The following SLCO3A1 variants were observed in gnomAD, a reference collection of about 807,000 sequenced individuals.
SLCO3A1 encodes the protein PGE1 transporter.
SLCO3A1 carries 27 observed loss-of-function variants against 63.1 expected under a neutral mutation model. The ratio of observed to expected loss-of-function variants is 0.43; its 90% confidence interval spans 0.32 to 0.59. SLCO3A1 has a LOEUF of 0.59. SLCO3A1 is among the 20% of genes least tolerant of loss of function. The pLI is 0.09. For synonymous variants in SLCO3A1, 473 were observed against 409.9 expected, an observed-to-expected ratio of 1.15 and a Z score of -1.86; for missense variants, 773 against 945.8, an observed-to-expected ratio of 0.82 and a Z score of 2.40.
chr15:91,984,605 C>CAT (rs139649691), intron 2 of SLCO3A1, among the ~76,000 whole-genome samples: 4,429 of 152,060 alleles, frequency 0.029, 202 homozygotes, highest in African/African-American at 0.1. Flanking sequence ...AATAATCAAA[C>CAT]GTACATAAAA....
chr15:92,131,572 C>T (rs1223878099), intron 7 of SLCO3A1, among the ~76,000 whole-genome samples: 3 of 144,604 alleles, frequency 2.1e-5, no homozygotes, highest in Non-Finnish European at 3.1e-5. Context: ...TTCACCGTGA[C>T]GGCCAGGCTG....
intron 2 of SLCO3A1, among the ~76,000 whole-genome samples, chr15:92,016,254 T>TAAGA: frequency 3.1e-5 from 3 of 95,658 alleles, no homozygotes; most frequent in Non-Finnish European, 4.3e-5. Context: ...GATAGATAGA[T>TAAGA]TAGATAGATA....
intron 2 of SLCO3A1, among the ~76,000 whole-genome samples, chr15:92,093,199 G>A (rs1440087540): frequency 1.3e-5 from 2 of 152,152 alleles, no homozygotes; most frequent in Admixed American, 6.5e-5. Flanking sequence ...CGAGTGGCTC[G>A]GGGTTTTGCA....
intron 2 of SLCO3A1, among the ~76,000 whole-genome samples, chr15:92,046,568 C>A (rs144342047): frequency 2.0e-5 from 3 of 152,196 alleles, no homozygotes; most frequent in African/African-American, 7.2e-5. Context: ...TATAGACTTT[C>A]TTTTCTGTGC....
chr15:91,927,138 C>T (rs138757386), intron 2 of SLCO3A1, among the ~76,000 whole-genome samples: 5 of 152,158 alleles, frequency 3.3e-5, no homozygotes, highest in South Asian at 2.1e-4. Context: ...GCATTCTCAG[C>T]GGCATTGGAG....
Position 91,926,596 on chromosome 15 carries a change from T to TGTGTGTGTGTGTGTGTGTGTGC in SLCO3A1, c.646+10139_646+10140insTGTGTGTGTGTGTGTGTGTGCG. On this transcript the variant is annotated intron_variant, in intron 2 of 9. Transcript: ENST00000318445. ...GTGTGTGTGTGTGTGTGTGTGTGTG[T>TGTGTGTGTGTGTGTGTGTGTGC]GCGCGCGCGCACGCCCATGCTTATT... 5.3e-3 allele frequency among the ~76,000 whole-genome samples: 557 copies of TGTGTGTGTGTGTGTGTGTGTGC among 105,242 alleles called. 9 individuals are homozygous for TGTGTGTGTGTGTGTGTGTGTGC. Among genetic ancestry groups the TGTGTGTGTGTGTGTGTGTGTGC allele is most frequent in the African/African-American group, 0.01 (282 of 27,362 alleles). The allele number at this position is 105,242 out of a possible 152,430, so 69.0% of individuals were successfully genotyped here. A position where few individuals can be genotyped will look rare whatever the true frequency, so the allele number is the denominator to read the frequency against.
In SLCO3A1 at chr15:91,948,410, G is replaced by T. The variant is rs1277605337; in HGVS notation, c.646+31952G>T. The stretch of plus-strand genomic sequence containing the variant: ...GTGCCAGCCACAGCATCCTATTCCT[G>T]CAGATAAGCCTACAGGCTCTGTAGG... On this transcript the variant is annotated intron_variant, in intron 2 of 9. Coordinates refer to ENST00000318445, the MANE Select transcript of SLCO3A1 (RefSeq NM_013272.4). The surrounding 1 kb of genome is among the most constrained non-coding windows in gnomAD (Gnocchi z 4.8). 6.6e-6 allele frequency among the ~76,000 whole-genome samples: 1 copy of T among 152,184 alleles called. No homozygotes were observed. Among genetic ancestry groups the T allele is most frequent in the Non-Finnish European group, 1.5e-5 (1 of 68,030 alleles).
At chr15:92,011,759 G>A (rs372697887) in intron 2 of SLCO3A1, among the ~76,000 whole-genome samples, 2 of 152,352 alleles carry the variant, frequency 1.3e-5, no homozygotes, top group East Asian at 3.9e-4. Flanking sequence ...GGCTCCTAGC[G>A]TGGTGCTTGG....
chr15:92,074,536 G>A (rs543949055), intron 2 of SLCO3A1, among the ~76,000 whole-genome samples: 48 of 152,322 alleles, frequency 3.2e-4, no homozygotes, highest in Admixed American at 2.7e-3. Context: ...GGTATGCCCT[G>A]AAGGTCTGCT....
At chr15:92,101,082 C>T (rs1418072856) in intron 3 of SLCO3A1, among the ~76,000 whole-genome samples, 1 of 152,222 alleles carries the variant, frequency 6.6e-6, no homozygotes, top group Non-Finnish European at 1.5e-5. Flanking sequence ...ACCACACCGT[C>T]CTCTTCCAGC....
intron 2 of SLCO3A1, among the ~76,000 whole-genome samples, chr15:91,917,383 GA>G (rs759365594): frequency 8.5e-5 from 13 of 152,312 alleles, no homozygotes; most frequent in African/African-American, 2.9e-4. Flanking sequence ...AATAGAATTT[GA>G]ACTGGATTTG....
chr15:91,867,343 A>T (rs1362973319), intron 1 of SLCO3A1, among the ~76,000 whole-genome samples: 3 of 152,130 alleles, frequency 2.0e-5, no homozygotes, highest in Admixed American at 6.6e-5. Flanking sequence ...CTTGTACTGG[A>T]ATGCTGTGCT....
At chr15:92,100,481 G>A (rs1470420790) in intron 3 of SLCO3A1, among the ~76,000 whole-genome samples, 2 of 152,192 alleles carry the variant, frequency 1.3e-5, no homozygotes, top group Non-Finnish European at 2.9e-5. Context: ...ATGCATCTAA[G>A]TAAATGAGAC....
rs139548307 is a variant in SLCO3A1 at position 92,047,976 on chromosome 15, G to T, written c.647-46905G>T. ...GAGCTGAGGTTGGGTGCCCAGGACA[G>T]TGATGTTCTCACTGAACTACAGGGT... is the stretch of plus-strand genomic sequence containing the variant. On this transcript the variant is annotated intron_variant, in intron 2 of 9. Transcript: ENST00000318445. Among the ~76,000 whole-genome samples, 453 of 152,060 alleles carry T rather than the reference G, an allele frequency of 3.0e-3. 11 individuals carry two copies. Among genetic ancestry groups the T allele is most frequent in the East Asian group, 0.022 (113 of 5,136 alleles).
intron 2 of SLCO3A1, among the ~76,000 whole-genome samples, chr15:92,068,582 G>T (rs140888440): frequency 2.4e-4 from 36 of 152,226 alleles, no homozygotes; most frequent in African/African-American, 7.9e-4. Context: ...AATTAACCCT[G>T]CTCTTCTCAT....
chr15:92,099,046 CG>C (rs1219987000), intron 3 of SLCO3A1, among the ~76,000 whole-genome samples: 1 of 152,220 alleles, frequency 6.6e-6, no homozygotes, highest in Non-Finnish European at 1.5e-5. Flanking sequence ...AGCCAGAAGG[CG>C]GCTCCCTTCC....
rs1248537208 is a variant in SLCO3A1, at chr15:92,104,350, G to A, written c.817G>A (p.Ala273Thr). The A allele has an allele frequency of 6.2e-7, 1 of 1,614,192 alleles. No individual in the cohort carries two copies. The highest frequency in any genetic ancestry group is 1.7e-5 in the Admixed American group (1 of 60,024). ...GTGGGGTGGCTTTCTGCTCTGCGGT[G>A]CCTTACTCTTCTTCTCTTCCCTCTT... ...AWWGGFLLCG[A>T]LLFFSSLLMF... The change falls in exon 4 of 10, where the codon GCC becomes ACC. Residue 273 changes from alanine (A) to threonine (T), a missense_variant. Ala to Thr is a moderately conservative substitution (Grantham distance 58). Around this residue, in one of 3 missense-constraint regions of SLCO3A1, gnomAD observed 565 missense variants for 749.8 expected, o/e 0.75. Coordinates refer to ENST00000318445, the MANE Select transcript of SLCO3A1 (RefSeq NM_013272.4).
At chr15:92,161,201 A>G (rs1348102094) in intron 9 of SLCO3A1, among the ~76,000 whole-genome samples, 2 of 152,182 alleles carry the variant, frequency 1.3e-5, no homozygotes, top group Non-Finnish European at 2.9e-5. Flanking sequence ...TCAAGGGGAC[A>G]GTTTTTTTGA....
In SLCO3A1 at chr15:91,882,883, A is replaced by G. The variant is rs4932510; in HGVS notation, c.180+28795A>G. 6.6e-6 allele frequency among the ~76,000 whole-genome samples: 1 copy of G among 152,212 alleles called. No individual in the cohort carries two copies. The highest frequency in any genetic ancestry group is 2.4e-5 in the African/African-American group (1 of 41,446). ...GTGCGATAAGTATAACCTCATCAAGATTTCCTTGCAATTAGGTATCACCTT... is the reference window on the plus strand; with the variant it reads ...GTGCGATAAGTATAACCTCATCAAGGTTTCCTTGCAATTAGGTATCACCTT... On this transcript the variant is annotated intron_variant, in intron 1 of 9. Coordinates refer to ENST00000318445, the MANE Select transcript of SLCO3A1 (RefSeq NM_013272.4). The surrounding 1 kb of genome is among the most constrained non-coding windows in gnomAD (Gnocchi z 4.4).
Sources: allele counts gnomAD v4.1 joint callset (sites outside exome capture counted in the v4.1 genomes callset), GRCh38; gene constraint gnomAD v4.1.1; regional missense constraint gnomAD v4.1.1; non-coding constraint Gnocchi (gnomAD v3.1); transcripts MANE v1.5; gene names NCBI Gene and HGNC (gene_info 2026-07-23, HGNC 2026-07-21).